BTBD7: variants seen among roughly 807,000 people sequenced by gnomAD.
The protein encoded by BTBD7 is BTB/POZ domain-containing protein 7.
A neutral mutation model predicts 99.9 loss-of-function variants in BTBD7; 38 were observed. That is an observed-to-expected ratio of 0.38 (90% confidence interval 0.29 to 0.50). The LOEUF (loss-of-function observed/expected upper bound fraction) is 0.50. Ranked by LOEUF, BTBD7 falls within the 20% of genes least tolerant of loss-of-function variation. The pLI is 0.93. For missense variants in BTBD7, 1,170 were observed against 1,394.6 expected, an observed-to-expected ratio of 0.84 and a Z score of 2.57; for synonymous variants, 520 against 511.4, an observed-to-expected ratio of 1.02 and a Z score of -0.23.
chr14:93,332,510 C>T (rs1248891063), intron 1 of BTBD7, among the ~76,000 whole-genome samples: 1 of 151,938 alleles, frequency 6.6e-6, no homozygotes, highest in Non-Finnish European at 1.5e-5. Context: ...GCCGGGCTGC[C>T]GTCGCGACTC....
At chr14:93,283,835 A>G (rs773579085) in intron 3 of BTBD7, among the ~76,000 whole-genome samples, 5 of 152,244 alleles carry the variant, frequency 3.3e-5, no homozygotes, top group Non-Finnish European at 7.3e-5. Context: ...TACAGGCATG[A>G]GCCATTGCAC....
chr14:93,294,495 T>C lies in BTBD7; in HGVS notation c.525A>G (p.Pro175=). 1 of 1,614,166 alleles carries C rather than the reference T, an allele frequency of 6.2e-7. No individual in the cohort carries two copies. The highest frequency in any genetic ancestry group is 8.5e-7 in the Non-Finnish European group (1 of 1,180,032). The change falls in exon 3 of 11, where the codon CCA becomes CCG. Residue 175 remains proline (P), a synonymous_variant. Transcript: ENST00000334746. Reference sequence around the variant, plus strand: ...CCATTATTATCTCTGCCCCATACTCTGGTGAGGAAGAAAGCAGTGTTTTAA... The same window carrying C: ...CCATTATTATCTCTGCCCCATACTCCGGTGAGGAAGAAAGCAGTGTTTTAA... ...PFFKTLLSSS[P]EYGAEIIMDI... is the part of the protein sequence containing the mutation.
At chr14:93,331,365 C>T (rs957413563) in intron 1 of BTBD7, among the ~76,000 whole-genome samples, 14 of 152,146 alleles carry the variant, frequency 9.2e-5, no homozygotes, top group African/African-American at 3.1e-4. Context: ...ACAAGTCACT[C>T]GCCTCTCTGG....
intron 3 of BTBD7, chr14:93,288,248 T>A: frequency 8.8e-6 from 4 of 455,500 alleles, no homozygotes; most frequent in Non-Finnish European, 1.5e-5. Context: ...TCTCTTCACT[T>A]TTCTCTGGTA....
At chr14:93,287,194 A>G (rs2052789146) in intron 3 of BTBD7, among the ~76,000 whole-genome samples, 1 of 150,850 alleles carries the variant, frequency 6.6e-6, no homozygotes, top group East Asian at 2.0e-4. Flanking sequence ...GGGCCATTGC[A>G]CTCTAGCCTG....
At chr14:93,305,512 C>T (rs1458209811) in intron 1 of BTBD7, among the ~76,000 whole-genome samples, 2 of 152,222 alleles carry the variant, frequency 1.3e-5, no homozygotes, top group Admixed American at 6.5e-5. Flanking sequence ...AAAACTCTCA[C>T]TCTCACAAGC....
intron 8 of BTBD7, among the ~76,000 whole-genome samples, chr14:93,248,863 C>T (rs1414172540): frequency 6.6e-6 from 1 of 152,206 alleles, no homozygotes; most frequent in East Asian, 1.9e-4. Context: ...GGCTCTTGAT[C>T]ATACTGAACA....
At chr14:93,265,165 CCA>C (rs2052528682) in intron 3 of BTBD7, among the ~76,000 whole-genome samples, 1 of 152,088 alleles carries the variant, frequency 6.6e-6, no homozygotes, top group Non-Finnish European at 1.5e-5. Flanking sequence ...TAAATAAACT[CCA>C]GAGACTTCTA....
intron 10 of BTBD7, 32 bp from the exon 11 acceptor site, chr14:93,243,120 TA>T (rs1464621305): frequency 5.8e-6 from 9 of 1,557,156 alleles, no homozygotes; most frequent in South Asian, 3.4e-5. Flanking sequence ...GTGGGAGGGT[TA>T]AAAAAAGGAC....
intron 3 of BTBD7, among the ~76,000 whole-genome samples, chr14:93,267,532 G>A (rs1160061530): frequency 3.3e-5 from 5 of 152,078 alleles, no homozygotes; most frequent in Admixed American, 1.3e-4. Context: ...CTTGCCCCAC[G>A]GCCTTCACCT....
At chr14:93,262,085 G>A (rs1169065261) in intron 4 of BTBD7, among the ~76,000 whole-genome samples, 2 of 151,028 alleles carry the variant, frequency 1.3e-5, no homozygotes, top group Non-Finnish European at 2.9e-5. Context: ...CCCCGCTTCA[G>A]CCTCCTGAGC....
intron 1 of BTBD7, among the ~76,000 whole-genome samples, chr14:93,331,403 T>C (rs990603683): frequency 6.6e-6 from 1 of 152,186 alleles, no homozygotes; most frequent in African/African-American, 2.4e-5. Flanking sequence ...TAAAACAATA[T>C]TCACACCTTT....
chr14:93,257,562 A>T (rs7146236), intron 5 of BTBD7, among the ~76,000 whole-genome samples: 8,686 of 152,334 alleles, frequency 0.057, 458 homozygotes, highest in African/African-American at 0.14. Flanking sequence ...CAACAGTACA[A>T]TAAAATTATT....
chr14:93,332,147 C>G (rs1253584643), intron 1 of BTBD7, among the ~76,000 whole-genome samples: 2 of 152,166 alleles, frequency 1.3e-5, no homozygotes, highest in African/African-American at 2.4e-5. Context: ...GTAAAGCTAG[C>G]AAACACTGTG....
chr14:93,242,768 C>T lies in BTBD7; in HGVS notation c.2904G>A (p.Ser968=), dbSNP rs756129256. The part of the protein sequence containing the change: ...PALSRRTPSP[S]QGGYFGPDLY... ...GATCGGGACCAAAATATCCACCTTG[C>T]GAAGGGGAAGGGGTGCGTCTGCTGA... The change falls in exon 11 of 11, where the codon TCG becomes TCA. Residue 968 remains serine, a synonymous_variant. Transcript: ENST00000334746. 4 of 1,614,078 alleles carry T rather than the reference C, an allele frequency of 2.5e-6. No individual in the cohort carries two copies. The highest frequency in any genetic ancestry group is 2.2e-5 in the South Asian group (2 of 91,062).
intron 10 of BTBD7, among the ~76,000 whole-genome samples, 157 bp downstream of exon 10, chr14:93,245,668 T>C (rs935399805): frequency 2.0e-5 from 3 of 152,178 alleles, no homozygotes; most frequent in African/African-American, 7.2e-5. Context: ...ACACTAGCGT[T>C]TTTCCCTCTT....
At chr14:93,309,594 T>G (rs2053114748) in intron 1 of BTBD7, among the ~76,000 whole-genome samples, 1 of 152,050 alleles carries the variant, frequency 6.6e-6, no homozygotes, top group Non-Finnish European at 1.5e-5. Context: ...CATGCTTCTG[T>G]GTCCACTGTG....
At chr14:93,257,492 A>C (rs1041679060) in intron 5 of BTBD7, 137 bp from the exon 6 acceptor site, 1 of 705,554 alleles carries the variant, frequency 1.4e-6, no homozygotes, top group African/African-American at 1.8e-5. Flanking sequence ...TTATAAATCA[A>C]TTATTTTCTT....
At chr14:93,246,914 G>C (rs1215081895) in intron 9 of BTBD7, among the ~76,000 whole-genome samples, 1 of 143,210 alleles carries the variant, frequency 7.0e-6, no homozygotes, top group Non-Finnish European at 1.5e-5. Flanking sequence ...TCTAAAACAA[G>C]AACCTAAAAA....
Sources: gnomAD v4.1 joint callset for allele counts (sites outside exome capture counted in the v4.1 genomes callset) on GRCh38, gnomAD v4.1.1 for gene constraint, MANE v1.5 for transcripts, NCBI Gene and HGNC (gene_info 2026-07-23, HGNC 2026-07-21) for gene names.